Variants in HS3ST5 observed in about 807,000 individuals in gnomAD.
The protein encoded by HS3ST5 is heparan sulfate-glucosamine 3-sulfotransferase 5, also known as heparan sulfate glucosamine 3-O-sulfotransferase 5.
Under a neutral mutation model 25.4 loss-of-function variants are expected in HS3ST5, and 10 were observed. The observed-to-expected ratio is 0.39, with a 90% confidence interval of 0.24 to 0.67. The LOEUF (loss-of-function observed/expected upper bound fraction) is 0.67, where lower values mean the gene tolerates loss of function less well. Ranked by LOEUF, HS3ST5 falls within the 30% of genes least tolerant of loss-of-function variation. The pLI is 0.44. For synonymous variants in HS3ST5, 170 were observed against 162.4 expected (o/e 1.05, Z -0.36); for missense variants, 324 against 420.7 (o/e 0.77, Z 2.01).
At chr6:114,159,240 G>C (rs2114978006) in intron 3 of HS3ST5, among the ~76,000 whole-genome samples, 1 of 152,186 alleles carries the variant, frequency 6.6e-6, no homozygotes, top group East Asian at 1.9e-4. Context: ...CCACTCCTTG[G>C]AATAGACCCA....
intron 3 of HS3ST5, among the ~76,000 whole-genome samples, chr6:114,134,627 G>C (rs534931340): frequency 1.3e-5 from 2 of 152,308 alleles, no homozygotes; most frequent in African/African-American, 4.8e-5. Flanking sequence ...TTACCCCAGA[G>C]ATTCCCATTT....
chr6:114,267,934 C>A (rs1228345874), intron 1 of HS3ST5, among the ~76,000 whole-genome samples: 1 of 152,190 alleles, frequency 6.6e-6, no homozygotes, highest in Non-Finnish European at 1.5e-5. Context: ...TATGGACACA[C>A]TTAATGATTA....
intron 1 of HS3ST5, among the ~76,000 whole-genome samples, chr6:114,297,902 T>C (rs1774897102): frequency 6.6e-6 from 1 of 152,232 alleles, no homozygotes; most frequent in African/African-American, 2.4e-5. Flanking sequence ...TTTTAGGAAC[T>C]GCAACATTAA....
At chr6:114,335,190 G>A (rs908898319) in intron 1 of HS3ST5, among the ~76,000 whole-genome samples, 1 of 151,908 alleles carries the variant, frequency 6.6e-6, no homozygotes, top group Admixed American at 6.6e-5. Flanking sequence ...TACCTCATCT[G>A]TGAAATGGAA....
intron 1 of HS3ST5, among the ~76,000 whole-genome samples, chr6:114,332,542 T>G (rs1204842619): frequency 6.6e-6 from 1 of 152,162 alleles, no homozygotes; most frequent in Non-Finnish European, 1.5e-5. Context: ...AGAGTTAAGA[T>G]GATTATTTCT....
intron 3 of HS3ST5, among the ~76,000 whole-genome samples, chr6:114,138,556 A>G (rs1777749668): frequency 6.6e-6 from 1 of 152,190 alleles, no homozygotes; most frequent in Admixed American, 6.5e-5. Flanking sequence ...AATATCTTAT[A>G]TATACACTTT....
At chr6:114,251,717 T>A (rs1562253119) in intron 1 of HS3ST5, 1 of 152,174 alleles carries the variant, frequency 6.6e-6, no homozygotes, top group African/African-American at 2.4e-5. Context: ...TTGACTGGTA[T>A]CTGAAAACAC....
intron 1 of HS3ST5, among the ~76,000 whole-genome samples, chr6:114,237,196 C>T (rs1484356033): frequency 2.0e-5 from 3 of 152,074 alleles, no homozygotes; most frequent in East Asian, 3.9e-4. Context: ...TTAATTTATG[C>T]TATTGTACAG....
chr6:114,086,685 T>G (rs906606505), intron 3 of HS3ST5, among the ~76,000 whole-genome samples: 2 of 152,088 alleles, frequency 1.3e-5, no homozygotes, highest in African/African-American at 4.8e-5. Flanking sequence ...AATAGAAAAC[T>G]AATGCAGGCA....
At chr6:114,126,324 C>G (rs1777036646) in intron 3 of HS3ST5, among the ~76,000 whole-genome samples, 2 of 152,054 alleles carry the variant, frequency 1.3e-5, no homozygotes, top group South Asian at 4.2e-4. Flanking sequence ...ACACGAAGTC[C>G]AACTTGACTC....
At chr6:114,257,465 A>G (rs1772982261) in intron 1 of HS3ST5, among the ~76,000 whole-genome samples, 1 of 152,178 alleles carries the variant, frequency 6.6e-6, no homozygotes, top group Non-Finnish European at 1.5e-5. Context: ...AATAACTTAT[A>G]CAAAGTTAGA....
chr6:114,199,943 G>A (rs1185473998), intron 2 of HS3ST5, among the ~76,000 whole-genome samples: 1 of 152,202 alleles, frequency 6.6e-6, no homozygotes, highest in Non-Finnish European at 1.5e-5. Flanking sequence ...GCAGGGCACG[G>A]TGGCTCACGC....
chr6:114,127,689 A>C (rs1453063941), intron 3 of HS3ST5, among the ~76,000 whole-genome samples: 1 of 152,154 alleles, frequency 6.6e-6, no homozygotes, highest in Non-Finnish European at 1.5e-5. Context: ...AGTGTCCATC[A>C]AGAGATGAAT....
intron 1 of HS3ST5, among the ~76,000 whole-genome samples, chr6:114,293,628 T>C (rs1774682192): frequency 6.6e-6 from 1 of 152,236 alleles, no homozygotes; most frequent in Non-Finnish European, 1.5e-5. Context: ...TTGGTGATTA[T>C]GTATTTGTGA....
chr6:114,216,360 A>G (rs1355365223), intron 2 of HS3ST5, among the ~76,000 whole-genome samples: 2 of 152,328 alleles, frequency 1.3e-5, no homozygotes, highest in Admixed American at 6.5e-5. Context: ...TCATAAATGC[A>G]TGCAACTTCA....
At chr6:114,145,015 G>A (rs1240864638) in intron 3 of HS3ST5, among the ~76,000 whole-genome samples, 1 of 152,166 alleles carries the variant, frequency 6.6e-6, no homozygotes, top group Non-Finnish European at 1.5e-5. Context: ...GATGCTCACG[G>A]AAATTACTCT....
intron 1 of HS3ST5, among the ~76,000 whole-genome samples, chr6:114,287,772 G>A (rs1488247611): frequency 1.3e-5 from 2 of 151,900 alleles, no homozygotes; most frequent in Non-Finnish European, 2.9e-5. Context: ...ACCGACCAAT[G>A]GTCTGATCAT....
At chr6:114,227,487 A>G (rs1023927085) in intron 2 of HS3ST5, among the ~76,000 whole-genome samples, 95 of 152,148 alleles carry the variant, frequency 6.2e-4, no homozygotes, top group Middle Eastern at 3.5e-3. Context: ...GAAATAAAAA[A>G]AACCTTTTGT....
chr6:114,262,162 A>T (rs1289756452), intron 1 of HS3ST5, among the ~76,000 whole-genome samples: 1 of 152,208 alleles, frequency 6.6e-6, no homozygotes, highest in Admixed American at 6.5e-5. Flanking sequence ...TTTTCATAAT[A>T]TTGAATCTAT....
Sources: gnomAD v4.1 joint callset for allele counts (sites outside exome capture counted in the v4.1 genomes callset) on GRCh38, gnomAD v4.1.1 for gene constraint, MANE v1.5 for transcripts, NCBI Gene and HGNC (gene_info 2026-07-23, HGNC 2026-07-21) for gene names.